The following DPP6 variants were observed in gnomAD, a reference collection of about 807,000 sequenced individuals.
DPP6 encodes the protein A-type potassium channel modulatory protein DPP6.
DPP6 carries 69 observed loss-of-function variants against 122.6 expected under a neutral mutation model. That is an observed-to-expected ratio of 0.56 (90% CI 0.46 to 0.69). The LOEUF is 0.69. Ranked by LOEUF, DPP6 falls within the 30% of genes least tolerant of loss-of-function variation. The pLI is 0.00. For missense variants in DPP6, 928 were observed against 1,116.9 expected, an observed-to-expected ratio of 0.83 and a Z score of 2.41; for synonymous variants, 418 against 433.1, an observed-to-expected ratio of 0.97 and a Z score of 0.43.
At chr7:154,847,389 G>A (rs957396256) in intron 16 of DPP6, among the ~76,000 whole-genome samples, 1 of 152,220 alleles carries the variant, frequency 6.6e-6, no homozygotes, top group East Asian at 1.9e-4. Flanking sequence ...TCACTTCTGG[G>A]ACGAGAGAGG....
At chr7:154,878,451 G>A (rs1805069937) in intron 20 of DPP6, among the ~76,000 whole-genome samples, 1 of 152,238 alleles carries the variant, frequency 6.6e-6, no homozygotes, top group Non-Finnish European at 1.5e-5. Context: ...GACTTTCTTA[G>A]GAAGCTGATG....
At chr7:154,057,277 G>C (rs1213637733) in intron 1 of DPP6, among the ~76,000 whole-genome samples, 1 of 150,816 alleles carries the variant, frequency 6.6e-6, no homozygotes, top group Non-Finnish European at 1.5e-5. Context: ...CCCATTTCGT[G>C]GTGGTTGAGA....
chr7:153,866,526 T>C, the DPP6 span, among the ~76,000 whole-genome samples: 5 of 152,196 alleles, frequency 3.3e-5, no homozygotes, highest in Admixed American at 1.3e-4. Context: ...TTTGTTTGAG[T>C]TCATTGTAGA....
At chr7:154,883,280 TCA>T (rs148430516) in intron 21 of DPP6, among the ~76,000 whole-genome samples, 45,672 of 142,194 alleles carry the variant, frequency 0.32, 7,653 homozygotes, top group East Asian at 0.49. Context: ...ACACACATGC[TCA>T]CACATACACA....
chr7:154,825,392 A>C (rs1310275740), intron 16 of DPP6, among the ~76,000 whole-genome samples: 1 of 152,250 alleles, frequency 6.6e-6, no homozygotes, highest in Non-Finnish European at 1.5e-5. Flanking sequence ...GACAGCGTTC[A>C]TAGTAATACA....
At chr7:153,858,081 G>A in the DPP6 span, among the ~76,000 whole-genome samples, 5 of 152,140 alleles carry the variant, frequency 3.3e-5, no homozygotes, top group Non-Finnish European at 5.9e-5. Flanking sequence ...GGACAGTTGA[G>A]GAAGCATTCT....
chr7:154,590,299 G>A (rs1319393816), intron 5 of DPP6, among the ~76,000 whole-genome samples: 4 of 151,872 alleles, frequency 2.6e-5, no homozygotes, highest in Admixed American at 1.3e-4. Flanking sequence ...CCTGTACATC[G>A]AAATCTATTT....
the DPP6 span, among the ~76,000 whole-genome samples, chr7:153,849,437 T>C: frequency 6.6e-6 from 1 of 152,098 alleles, no homozygotes; most frequent in Non-Finnish European, 1.5e-5. Context: ...CCCTTATTGC[T>C]TGGAACCAGG....
At chr7:154,021,103 C>T (rs528370934) in intron 1 of DPP6, among the ~76,000 whole-genome samples, 17 of 152,282 alleles carry the variant, frequency 1.1e-4, no homozygotes, top group African/African-American at 4.1e-4. Context: ...CACCCACATG[C>T]AGAGGGTAAG....
chr7:154,058,274 GC>G (rs1801074631), intron 1 of DPP6: 12 of 148,172 alleles, frequency 8.1e-5, no homozygotes, highest in Non-Finnish European at 1.5e-4. Flanking sequence ...GGGACTGAGA[GC>G]GAGCCCCTCT....
chr7:153,951,294 G>A (rs1019388478), intron 1 of DPP6, among the ~76,000 whole-genome samples: 2 of 152,184 alleles, frequency 1.3e-5, no homozygotes, highest in Admixed American at 6.5e-5. Context: ...CCCTAGCACA[G>A]GTGCATCTGG....
intron 3 of DPP6, among the ~76,000 whole-genome samples, chr7:154,504,770 G>T (rs1301448773): frequency 6.7e-6 from 1 of 150,096 alleles, no homozygotes; most frequent in Non-Finnish European, 1.5e-5. Context: ...AGACAAAACG[G>T]TAATGGAAAA....
intron 1 of DPP6, among the ~76,000 whole-genome samples, chr7:154,157,304 C>T (rs185192161): frequency 6.6e-6 from 1 of 152,326 alleles, no homozygotes; most frequent in East Asian, 1.9e-4. Context: ...TGAGGAAACT[C>T]GAAAGTATGG....
intron 1 of DPP6, among the ~76,000 whole-genome samples, chr7:154,119,993 T>C (rs1035068262): frequency 6.6e-6 from 1 of 151,796 alleles, no homozygotes; most frequent in Admixed American, 6.6e-5. Flanking sequence ...TGCGATGCTG[T>C]ACCCCACTCG....
the DPP6 span, among the ~76,000 whole-genome samples, chr7:153,852,236 C>T: frequency 4.1e-3 from 622 of 152,282 alleles, 3 homozygotes; most frequent in Non-Finnish European, 6.9e-3. Context: ...CTGTACTAGA[C>T]TGTTGCGTTG....
chr7:154,393,549 G>T (rs2151169885), intron 1 of DPP6, among the ~76,000 whole-genome samples: 2 of 142,344 alleles, frequency 1.4e-5, no homozygotes, highest in East Asian at 2.1e-4. Context: ...AATGGAGATT[G>T]TTCAATTTTT....
chr7:154,155,134 C>T (rs138239555), intron 1 of DPP6, among the ~76,000 whole-genome samples: 2,209 of 152,276 alleles, frequency 0.015, 51 homozygotes, highest in African/African-American at 0.05. Flanking sequence ...TTGAGAGACA[C>T]CATGGAGCAG....
At chr7:154,441,945 T>C (rs117165384) in intron 1 of DPP6, among the ~76,000 whole-genome samples, 2,702 of 152,362 alleles carry the variant, frequency 0.018, 32 homozygotes, top group Non-Finnish European at 0.022. Flanking sequence ...TGTTTTATTT[T>C]TGCCTGAGTT....
In DPP6 at chr7:154,279,095, T is replaced by G. The variant is rs544959751; in HGVS notation, c.244-167119T>G. ...CAGCTGATGTGTGTGTGGGGATGCA[T>G]GTGTGTGCATTGTGTATATGTGTCT... is the stretch of plus-strand genomic sequence containing the variant. On this transcript the variant is annotated intron_variant, in intron 1 of 25. Coordinates refer to ENST00000377770, the MANE Select transcript of DPP6 (RefSeq NM_130797.4). Among the ~76,000 whole-genome samples the G allele has an allele frequency of 4.7e-5, 7 of 149,784 alleles. No individual in the cohort carries two copies. In the South Asian group the frequency reaches 1.1e-3, roughly 23 times the overall value.
Sources: gnomAD v4.1 joint callset for allele counts (sites outside exome capture counted in the v4.1 genomes callset) on GRCh38, gnomAD v4.1.1 for gene constraint, MANE v1.5 for transcripts, NCBI Gene and HGNC (gene_info 2026-07-23, HGNC 2026-07-21) for gene names.